The following ANTXR2 variants were observed in gnomAD, a reference collection of about 807,000 sequenced individuals.
The protein encoded by ANTXR2 is anthrax toxin receptor 2.
A neutral mutation model predicts 73.7 loss-of-function variants in ANTXR2; 44 were observed. The ratio of observed to expected loss-of-function variants is 0.60; its 90% CI spans 0.47 to 0.77. The LOEUF (loss-of-function observed/expected upper bound fraction) is 0.77. ANTXR2 is among the 30% of genes least tolerant of loss of function. The probability of loss-of-function intolerance (pLI) is 0.00; values close to 1 mark genes in which losing one functional copy is unlikely to be tolerated. For missense variants in ANTXR2, 604 were observed against 592.5 expected, an observed-to-expected ratio of 1.02 and a Z score of -0.20; for synonymous variants, 217 against 205.9, an observed-to-expected ratio of 1.05 and a Z score of -0.46.
At chr4:80,008,460 A>C (rs570645942) in intron 12 of ANTXR2, 61 bp downstream of exon 12, 14 of 1,334,148 alleles carry the variant, frequency 1.0e-5, no homozygotes, top group Middle Eastern at 1.9e-4. Flanking sequence ...TTCATATTTC[A>C]GACCTTACTT....
intron 10 of ANTXR2, chr4:80,024,763 A>C (rs913870019): frequency 9.4e-6 from 4 of 424,090 alleles, no homozygotes; most frequent in African/African-American, 8.3e-5. Context: ...CACCTCAAAA[A>C]GAAAAAACTG....
chr4:79,975,767 A>G (rs1729597563), intron 16 of ANTXR2, among the ~76,000 whole-genome samples: 2 of 152,332 alleles, frequency 1.3e-5, no homozygotes, highest in Middle Eastern at 3.4e-3. Flanking sequence ...TTAAAAAGAT[A>G]CAAATGTCAT....
chr4:80,068,069 A>C (rs1227406488), intron 3 of ANTXR2, among the ~76,000 whole-genome samples: 2 of 152,218 alleles, frequency 1.3e-5, no homozygotes, highest in Admixed American at 6.5e-5. Context: ...CAGCATCTGC[A>C]GGGAGATTTT....
chr4:79,997,156 C>A (rs144640647), intron 12 of ANTXR2, among the ~76,000 whole-genome samples: 2,162 of 151,812 alleles, frequency 0.014, 42 homozygotes, highest in South Asian at 0.043. Flanking sequence ...GCATTCTTTG[C>A]GCTAAAAAAT....
chr4:80,027,694 C>A (rs1204247242), intron 10 of ANTXR2, among the ~76,000 whole-genome samples: 1 of 152,158 alleles, frequency 6.6e-6, no homozygotes, highest in Non-Finnish European at 1.5e-5. Context: ...CCGGTTCATT[C>A]TGTTCTGTTT....
intron 12 of ANTXR2, 71 bp downstream of exon 12, chr4:80,008,450 T>C: frequency 8.3e-7 from 1 of 1,205,390 alleles, no homozygotes; most frequent in Admixed American, 2.3e-5. Context: ...ATGGCATTTA[T>C]TCATATTTCA....
Position 80,019,942 on chromosome 4 carries a change from A to T in ANTXR2, c.867-966T>A, listed in dbSNP as rs571199123. Among the ~76,000 whole-genome samples the T allele has an allele frequency of 6.2e-4, 95 of 152,348 alleles. 2 individuals are homozygous for T. The South Asian group carries it at 0.01, about 17-fold the overall frequency. On this transcript the variant is annotated intron_variant, in intron 10 of 16. Transcript: ENST00000403729. Reference sequence around the variant, plus strand: ...GATTATTTGGGATTAGCCTAGAGTTAGTAATTTTTTATTATAAAAATAACT... The same window carrying T: ...GATTATTTGGGATTAGCCTAGAGTTTGTAATTTTTTATTATAAAAATAACT...
At chr4:80,018,747 C>T (rs755145509) in intron 11 of ANTXR2, 151 bp downstream of exon 11, 6 of 614,330 alleles carry the variant, frequency 9.8e-6, no homozygotes, top group Admixed American at 4.2e-5. Context: ...CCACCCAAAA[C>T]GAATTCTATA....
intron 16 of ANTXR2, among the ~76,000 whole-genome samples, chr4:79,948,928 T>C (rs540810181): frequency 6.6e-6 from 1 of 152,288 alleles, no homozygotes; most frequent in Non-Finnish European, 1.5e-5. Flanking sequence ...TTCATCATCA[T>C]CATTTCTTTG....
chr4:80,003,784 C>A (rs1184087394), intron 12 of ANTXR2, among the ~76,000 whole-genome samples: 2 of 151,934 alleles, frequency 1.3e-5, no homozygotes, highest in African/African-American at 4.8e-5. Context: ...TCTGAAGGAG[C>A]AACTGAATCA....
At chr4:80,052,229 A>G (rs1284720502) in intron 7 of ANTXR2, among the ~76,000 whole-genome samples, 5 of 151,682 alleles carry the variant, frequency 3.3e-5, no homozygotes, top group Non-Finnish European at 7.4e-5. Context: ...TATCTCTCCT[A>G]GCCATGTGAC....
At chr4:80,000,866 T>C (rs1423782492) in intron 12 of ANTXR2, among the ~76,000 whole-genome samples, 1 of 152,082 alleles carries the variant, frequency 6.6e-6, no homozygotes, top group East Asian at 1.9e-4. Context: ...TTTAAGAGGT[T>C]CAATAGTTCA....
At chr4:80,069,600 G>T in intron 2 of ANTXR2, 93 bp from the exon 3 acceptor site, 1 of 999,382 alleles carries the variant, frequency 1.0e-6, no homozygotes, top group Admixed American at 2.4e-5. Context: ...TTTAAAATTG[G>T]TCTCACTGAA....
At chr4:80,013,817 T>A (rs890307492) in intron 11 of ANTXR2, among the ~76,000 whole-genome samples, 6 of 125,008 alleles carry the variant, frequency 4.8e-5, no homozygotes, top group Non-Finnish European at 1.1e-4. Flanking sequence ...GAATTTGAGG[T>A]TAAATACAAG....
intron 16 of ANTXR2, among the ~76,000 whole-genome samples, chr4:79,922,388 C>G (rs1414031413): frequency 6.6e-6 from 1 of 152,034 alleles, no homozygotes; most frequent in Non-Finnish European, 1.5e-5. Flanking sequence ...TTAATGAATG[C>G]AGGCACTCCT....
chr4:79,911,218 C>T (rs1727118513), intron 16 of ANTXR2, among the ~76,000 whole-genome samples: 4 of 152,128 alleles, frequency 2.6e-5, no homozygotes, highest in African/African-American at 7.2e-5. Context: ...CTGTCATATC[C>T]TCATGCTTAT....
chr4:80,037,344 C>T (rs967564425), intron 7 of ANTXR2, among the ~76,000 whole-genome samples: 1 of 152,130 alleles, frequency 6.6e-6, no homozygotes, highest in Non-Finnish European at 1.5e-5. Context: ...TTCTCAGCCC[C>T]TAAAATCAAC....
In ANTXR2 at chr4:80,031,966, T is replaced by C. The variant is rs200694601; in HGVS notation, c.797-274A>G. Among the ~76,000 whole-genome samples, 7 of 151,888 alleles carry C rather than the reference T, an allele frequency of 4.6e-5. No individual in the cohort carries two copies. In the East Asian group the frequency reaches 1.4e-3, roughly 29 times the overall value. ...TCTAGATACTATAAAATATATTTTC[T>C]CTTAAATTTTTTAAATATCTCAGAT... On this transcript the variant is annotated intron_variant, in intron 9 of 16. Transcript: ENST00000403729.
intron 16 of ANTXR2, among the ~76,000 whole-genome samples, chr4:79,916,805 C>T (rs1334881340): frequency 1.3e-5 from 2 of 151,830 alleles, no homozygotes; most frequent in Admixed American, 6.6e-5. Flanking sequence ...AATGAAGGAG[C>T]ATATAGTATA....
Sources: gnomAD v4.1 joint callset for allele counts (sites outside exome capture counted in the v4.1 genomes callset) on GRCh38, gnomAD v4.1.1 for gene constraint, MANE v1.5 for transcripts, NCBI Gene and HGNC (gene_info 2026-07-23, HGNC 2026-07-21) for gene names.